Variants in ACSM2A observed in about 807,000 individuals in gnomAD.
ACSM2A encodes acyl-coenzyme A synthetase ACSM2A, mitochondrial.
A neutral mutation model predicts 76.6 loss-of-function variants in ACSM2A; 72 were observed. The observed-to-expected ratio is 0.94, with a 90% confidence interval of 0.78 to 1.14. The LOEUF (loss-of-function observed/expected upper bound fraction) is 1.14, where lower values mean the gene tolerates loss of function less well. Ranked by LOEUF, ACSM2A falls within the 50% of genes most tolerant of loss-of-function variation. ACSM2A has a pLI of 0.00. For synonymous variants in ACSM2A, 249 were observed against 255.9 expected, an observed-to-expected ratio of 0.97 and a Z score of 0.26; for missense variants, 684 against 708.5, an observed-to-expected ratio of 0.97 and a Z score of 0.39.
At chr16:20,458,907 T>TATATATATATATATATATATATACAC (rs1567356805) in intron 1 of ACSM2A, among the ~76,000 whole-genome samples, 2 of 36,544 alleles carry the variant, frequency 5.5e-5, no homozygotes, top group African/African-American at 3.2e-4. Context: ...TATATATGCA[T>TATATATATATATATATATATATACAC]ATATATATAT....
intron 2 of ACSM2A, among the ~76,000 whole-genome samples, chr16:20,462,223 G>T (rs555456723): frequency 2.0e-4 from 31 of 152,212 alleles, no homozygotes; most frequent in African/African-American, 6.0e-4. Flanking sequence ...GCAAGCTAGG[G>T]AACAATGGCT....
intron 2 of ACSM2A, among the ~76,000 whole-genome samples, chr16:20,464,241 G>C (rs1162720395): frequency 1.3e-5 from 2 of 152,112 alleles, no homozygotes; most frequent in African/African-American, 2.4e-5. Context: ...TTCTTCCCAT[G>C]ACCTAGTTCC....
chr16:20,474,267 G>T (rs1323699842), intron 6 of ACSM2A: 9 of 244,552 alleles, frequency 3.7e-5, no homozygotes, highest in Middle Eastern at 1.5e-3. Flanking sequence ...AATCCCCAGT[G>T]TAACAGTAGT....
At chr16:20,462,709 C>G (rs1254285331) in intron 2 of ACSM2A, among the ~76,000 whole-genome samples, 1 of 151,914 alleles carries the variant, frequency 6.6e-6, no homozygotes, top group African/African-American at 2.4e-5. Context: ...AAATTAGAAC[C>G]CTTATGCATC....
chr16:20,462,730 T>A (rs566494036), intron 2 of ACSM2A, among the ~76,000 whole-genome samples: 1 of 152,110 alleles, frequency 6.6e-6, no homozygotes, highest in Non-Finnish European at 1.5e-5. Context: ...ATGATGGGTA[T>A]GTAAAATGTT....
intron 3 of ACSM2A, among the ~76,000 whole-genome samples, chr16:20,465,933 A>G (rs561638216): frequency 3.3e-4 from 50 of 152,336 alleles, no homozygotes; most frequent in African/African-American, 1.1e-3. Flanking sequence ...ACAATGACAT[A>G]GTTTACATAT....
intron 8 of ACSM2A, chr16:20,476,381 A>G (rs1028735420): frequency 6.1e-6 from 6 of 984,900 alleles, no homozygotes; most frequent in Non-Finnish European, 7.2e-6. Context: ...CTTACTTGTG[A>G]CTCTCAGCAC....
intron 2 of ACSM2A, among the ~76,000 whole-genome samples, chr16:20,465,113 G>A (rs570121156): frequency 3.1e-4 from 47 of 152,166 alleles, no homozygotes; most frequent in Admixed American, 1.9e-3. Flanking sequence ...CAGATGAGAG[G>A]ATCCAATGTT....
rs140129240 is a variant in ACSM2A at position 20,460,184 on chromosome 16, T to C, written c.70T>C (p.Tyr24His). The change falls in exon 2 of 14, where the codon TAC (tyrosine) becomes CAC (histidine). Residue 24 changes from tyrosine (Y) to histidine (H), a missense_variant. Tyr to His is a moderately conservative substitution (Grantham distance 83). Around this residue, in one of 3 missense-constraint regions of ACSM2A, gnomAD observed 519 missense variants for 549.5 expected, o/e 0.94. Transcript: ENST00000573854. Reference protein sequence around the residue: ...WGTQMSSRTLYINSRQLVSLQ... With the variant: ...WGTQMSSRTLHINSRQLVSLQ... ...TACTCAGATGTCCAGCCGCACTCTC[T>C]ACATTAATAGTAGGCAACTGGTGTC... 1,575 of 1,613,494 alleles carry C rather than the reference T, an allele frequency of 9.8e-4. 3 individuals carry two copies. Among genetic ancestry groups the C allele is most frequent in the Non-Finnish European group, 1.2e-3 (1,366 of 1,179,686 alleles).
At position 20,477,250 on chromosome 16, in the gene ACSM2A, C is replaced by G. The variant is rs2013799992; in HGVS notation, c.1099-119C>G. ...GCCAGGGAATGAGGAGCAGGGGGAG[C>G]CACCAAGTGCAGGCCAAGTTCAGGA... is the stretch of plus-strand genomic sequence containing the variant. On this transcript the variant is annotated intron_variant, in intron 8 of 13. Coordinates refer to ENST00000573854, the MANE Select transcript of ACSM2A (RefSeq NM_001308172.2). 3 of 1,417,776 alleles carry G rather than the reference C, an allele frequency of 2.1e-6. No homozygotes were observed. In the African/African-American group the frequency reaches 4.3e-5, roughly 20 times the overall value. The allele number at this position is 1,417,776 out of a possible 1,614,324, so 87.8% of individuals were successfully genotyped here.
intron 13 of ACSM2A, among the ~76,000 whole-genome samples, chr16:20,483,976 T>A (rs1263209301): frequency 6.6e-6 from 1 of 151,828 alleles, no homozygotes; most frequent in East Asian, 1.9e-4. Context: ...TTTTTCTTTG[T>A]GGCTCTATCA....
intron 3 of ACSM2A, among the ~76,000 whole-genome samples, chr16:20,467,994 G>A (rs1950828310): frequency 6.6e-6 from 1 of 152,014 alleles, no homozygotes; most frequent in African/African-American, 2.4e-5. Context: ...GGCTGAGCAT[G>A]AGAAAGCAAT....
chr16:20,475,908 A>G, intron 8 of ACSM2A, 135 bp downstream of exon 8: 1 of 1,517,882 alleles, frequency 6.6e-7, no homozygotes, highest in Non-Finnish European at 8.8e-7. Context: ...ATGAAGGGAC[A>G]GGTACTGAGT....
chr16:20,458,849 A>G (rs2012380264), intron 1 of ACSM2A, among the ~76,000 whole-genome samples: 1 of 139,370 alleles, frequency 7.2e-6, no homozygotes, highest in Admixed American at 7.6e-5. Flanking sequence ...AGAATTTTTT[A>G]TATTTTTTAG....
intron 12 of ACSM2A, chr16:20,481,688 T>C (rs998952082): frequency 4.1e-5 from 6 of 145,968 alleles, no homozygotes; most frequent in African/African-American, 1.5e-4. Flanking sequence ...TTAACAACCA[T>C]GTATTGTATA....
At chr16:20,482,469 T>A (rs948960623) in intron 12 of ACSM2A, 1 of 152,290 alleles carries the variant, frequency 6.6e-6, no homozygotes, top group African/African-American at 2.4e-5. Flanking sequence ...TAAGGTGGGA[T>A]GTGTGGATCA....
intron 1 of ACSM2A, among the ~76,000 whole-genome samples, chr16:20,455,162 A>G (rs1484343291): frequency 6.6e-6 from 1 of 151,258 alleles, no homozygotes; most frequent in East Asian, 2.0e-4. Context: ...AAATGATCAA[A>G]TCTAAGAATA....
intron 6 of ACSM2A, among the ~76,000 whole-genome samples, chr16:20,474,848 G>T (rs2013632349): frequency 1.3e-5 from 2 of 152,194 alleles, no homozygotes; most frequent in African/African-American, 4.8e-5. Flanking sequence ...AGGTCTTTTT[G>T]CAGCACTTGT....
At position 20,471,663 on chromosome 16, in the gene ACSM2A, A is replaced by C; in HGVS notation, c.868A>C (p.Lys290Gln). Residue 290 changes from lysine (K) to glutamine (Q), a missense_variant, in exon 6 of 14, where the codon AAG becomes CAG. Transcript: ENST00000573854. ...ATGCACATTTGTTCATCTCTTGCCAAAGTTTGACCCACTGGTTATTCTAAA... is the reference window on the plus strand; with the variant it reads ...ATGCACATTTGTTCATCTCTTGCCACAGTTTGACCCACTGGTTATTCTAAA... ...GACTFVHLLP[K>Q]FDPLVILKTL... 2 of 1,613,864 alleles carry C rather than the reference A, an allele frequency of 1.2e-6. No individual in the cohort carries two copies. Among genetic ancestry groups the C allele is most frequent in the Non-Finnish European group, 1.7e-6 (2 of 1,179,826 alleles).
Sources: gnomAD v4.1 joint callset for allele counts (sites outside exome capture counted in the v4.1 genomes callset) on GRCh38, gnomAD v4.1.1 for gene constraint, gnomAD v4.1.1 regional missense constraint, MANE v1.5 for transcripts, NCBI Gene and HGNC (gene_info 2026-07-23, HGNC 2026-07-21) for gene names.